The following XRRA1 variants were observed in gnomAD, a reference collection of about 807,000 sequenced individuals.
XRRA1 encodes X-ray radiation resistance-associated protein 1.
In XRRA1, 69 loss-of-function variants were observed where a neutral mutation model predicts 80.2. The observed-to-expected ratio is 0.86, with a 90% CI of 0.71 to 1.05. XRRA1 has a LOEUF of 1.05. Among genes scored for constraint, XRRA1 ranks in the 50% least tolerant of loss-of-function variants. XRRA1 has a pLI of 0.00. For synonymous variants in XRRA1, 348 were observed against 389.9 expected (o/e 0.89, Z 1.27); for missense variants, 967 against 976.4 (o/e 0.99, Z 0.13).
In XRRA1 at chr11:74,841,569, A is replaced by T. The variant is rs969776609; in HGVS notation, c.*1631T>A. ...ATTTACTCTCTCTCCTTTGTGAGTA[A>T]ATGCCTCCTTAATGCCTTTTAAGTA... On this transcript the variant is annotated 3_prime_UTR_variant, in exon 19 of 19. Transcript: ENST00000684022. 1 of 152,170 alleles carries T rather than the reference A, an allele frequency of 6.6e-6. No homozygotes were observed. 9.4% of individuals were successfully genotyped at this position (152,170 alleles called of 1,614,324 possible). A position where few individuals can be genotyped will look rare whatever the true frequency, so the allele number is the denominator to read the frequency against.
chr11:74,842,418 C>G lies in XRRA1; in HGVS notation c.*782G>C, dbSNP rs2036700467. ...AAGGAAACTCATGAAAGTGGATGTTCTGTTTATAGTCAGAGTCTTGTCTCT... is the reference window on the plus strand; with the variant it reads ...AAGGAAACTCATGAAAGTGGATGTTGTGTTTATAGTCAGAGTCTTGTCTCT... On this transcript the variant is annotated 3_prime_UTR_variant, in exon 19 of 19. Transcript: ENST00000684022. 6.6e-6 allele frequency: 1 copy of G among 152,240 alleles called. No individual in the cohort carries two copies. Among genetic ancestry groups the G allele is most frequent in the African/African-American group, 2.4e-5 (1 of 41,454 alleles). 9.4% of individuals were successfully genotyped at this position (152,240 alleles called of 1,614,324 possible).
intron 11 of XRRA1, among the ~76,000 whole-genome samples, chr11:74,859,608 C>T (rs1057445637): frequency 1.3e-5 from 2 of 152,136 alleles, no homozygotes; most frequent in Admixed American, 6.5e-5. Context: ...CTCTACCCTA[C>T]AGCAGCTTAC....
At chr11:74,863,576 A>G (rs1053398210) in intron 10 of XRRA1, 4 of 153,830 alleles carry the variant, frequency 2.6e-5, no homozygotes, top group African/African-American at 7.2e-5. Flanking sequence ...AGGAGGCTGC[A>G]GAGTGATTTC....
chr11:74,890,479 A>G (rs533822154), intron 10 of XRRA1, among the ~76,000 whole-genome samples: 204 of 152,372 alleles, frequency 1.3e-3, no homozygotes, highest in African/African-American at 4.6e-3. Context: ...CCCTAACATC[A>G]CAATTAAAAG....
chr11:74,942,064 G>T (rs1329666285), intron 2 of XRRA1, among the ~76,000 whole-genome samples: 1 of 151,918 alleles, frequency 6.6e-6, no homozygotes. Context: ...AGTGAGCCGT[G>T]ATCATGCCTG....
intron 8 of XRRA1, among the ~76,000 whole-genome samples, chr11:74,916,969 A>G (rs919297526): frequency 2.6e-5 from 4 of 152,216 alleles, no homozygotes; most frequent in Admixed American, 1.3e-4. Flanking sequence ...CTGATTTTGA[A>G]TGTCCTAGAC....
intron 4 of XRRA1, 70 bp downstream of exon 4, chr11:74,936,814 G>A (rs1565446473): frequency 2.0e-6 from 3 of 1,507,798 alleles, no homozygotes; most frequent in Non-Finnish European, 8.9e-7. Flanking sequence ...CCAGAGCAGG[G>A]CAAATCCTTC....
At chr11:74,939,847 GAGAGAGAGAGAGAGAGCGAGAGCA>G (rs1039753318) in intron 3 of XRRA1, among the ~76,000 whole-genome samples, 30 of 149,928 alleles carry the variant, frequency 2.0e-4, no homozygotes, top group South Asian at 1.9e-3. Context: ...GTGACATAGA[GAGAGAGAGAGAGAGAGCGAGAGCA>G]AGAGAGAGAG....
intron 10 of XRRA1, among the ~76,000 whole-genome samples, chr11:74,878,575 T>A (rs1324854804): frequency 6.6e-6 from 1 of 151,942 alleles, no homozygotes; most frequent in Non-Finnish European, 1.5e-5. Context: ...TAGGTTTTCT[T>A]CTAGGGTTTT....
chr11:74,923,517 C>A lies in XRRA1; in HGVS notation c.523-2170G>T, dbSNP rs555757360. On this transcript the variant is annotated intron_variant, in intron 7 of 18. Transcript: ENST00000684022. Reference sequence around the variant, plus strand: ...TGAACAGTCAGCCTATGGATTCTATCTACCTCCTTAATATCTCTCATGCTT... The same window carrying A: ...TGAACAGTCAGCCTATGGATTCTATATACCTCCTTAATATCTCTCATGCTT... Among the ~76,000 whole-genome samples, 4 of 152,328 alleles carry A rather than the reference C, an allele frequency of 2.6e-5. No individual in the cohort carries two copies. In the South Asian group the frequency reaches 8.3e-4, roughly 32 times the overall value.
At chr11:74,911,055 A>G (rs759361426) in intron 8 of XRRA1, among the ~76,000 whole-genome samples, 7 of 152,114 alleles carry the variant, frequency 4.6e-5, no homozygotes, top group Non-Finnish European at 8.8e-5. Flanking sequence ...ATAATTCAGA[A>G]GACTTGCGAA....
intron 8 of XRRA1, chr11:74,909,739 T>A (rs1268122921): frequency 6.6e-6 from 1 of 151,960 alleles, no homozygotes; most frequent in African/African-American, 2.4e-5. Flanking sequence ...GAAGCCGGGG[T>A]TTCCAGCTGT....
chr11:74,853,988 G>T (rs1480359049), intron 12 of XRRA1, among the ~76,000 whole-genome samples: 8 of 152,152 alleles, frequency 5.3e-5, no homozygotes, highest in Non-Finnish European at 8.8e-5. Context: ...TGTAGATACT[G>T]GGGGGGCGGA....
At chr11:74,882,954 CTG>C in intron 10 of XRRA1, among the ~76,000 whole-genome samples, 1 of 152,312 alleles carries the variant, frequency 6.6e-6, no homozygotes, top group Admixed American at 6.5e-5. Flanking sequence ...GAGGTTACTG[CTG>C]TCTTTTTGTT....
Position 74,861,484 on chromosome 11 carries a change from G to A in XRRA1, c.1044+1497C>T, listed in dbSNP as rs562368189. Among the ~76,000 whole-genome samples the A allele has an allele frequency of 3.9e-5, 6 of 152,264 alleles. No individual in the cohort carries two copies. In the East Asian group the frequency reaches 1.2e-3, roughly 29 times the overall value. On this transcript the variant is annotated intron_variant, in intron 11 of 18. Coordinates refer to ENST00000684022, the MANE Select transcript of XRRA1 (RefSeq NM_001378157.1). Reference sequence around the variant, plus strand: ...ATGAGAATCTAATGCCTGATGATCTGTCACTGTCTTCCATCACCCCAAGAT... The same window carrying A: ...ATGAGAATCTAATGCCTGATGATCTATCACTGTCTTCCATCACCCCAAGAT...
At chr11:74,939,731 C>T (rs185482759) in intron 3 of XRRA1, among the ~76,000 whole-genome samples, 3 of 152,302 alleles carry the variant, frequency 2.0e-5, no homozygotes, top group African/African-American at 7.2e-5. Context: ...GGTGTCATTG[C>T]TGTCAGTGGA....
intron 2 of XRRA1, 64 bp from the exon 3 acceptor site, chr11:74,940,946 C>A (rs990470780): frequency 2.4e-6 from 3 of 1,262,334 alleles, no homozygotes; most frequent in Non-Finnish European, 3.4e-6. Flanking sequence ...AGCACTCTTA[C>A]TCCAGTGCAG....
intron 14 of XRRA1, among the ~76,000 whole-genome samples, chr11:74,848,823 T>C (rs2039015125): frequency 6.6e-6 from 1 of 152,198 alleles, no homozygotes; most frequent in Non-Finnish European, 1.5e-5. Context: ...TGACCATACG[T>C]ACTCTGGCCC....
At chr11:74,843,796 C>CT in intron 18 of XRRA1, 58 bp downstream of exon 18, 1 of 1,479,742 alleles carries the variant, frequency 6.8e-7, no homozygotes, top group Non-Finnish European at 9.3e-7. Context: ...CTTTCTTTGC[C>CT]TTTAGCCAGC....
Sources: gnomAD v4.1 joint callset for allele counts (sites outside exome capture counted in the v4.1 genomes callset) on GRCh38, gnomAD v4.1.1 for gene constraint, MANE v1.5 for transcripts, NCBI Gene and HGNC (gene_info 2026-07-23, HGNC 2026-07-21) for gene names.